The following PRPF18 variants were observed in gnomAD, a reference collection of about 807,000 sequenced individuals.
The protein encoded by PRPF18 is pre-mRNA-splicing factor 18.
PRPF18 carries 38 observed loss-of-function variants against 46.5 expected under a neutral mutation model. The ratio of observed to expected loss-of-function variants is 0.82; its 90% CI spans 0.63 to 1.07. PRPF18 has a LOEUF of 1.07. PRPF18 is among the 50% of genes least tolerant of loss of function. PRPF18 has a pLI of 0.00. For synonymous variants in PRPF18, 152 were observed against 146.7 expected (o/e 1.04, Z -0.26); for missense variants, 263 against 410.0 (o/e 0.64, Z 3.10).
chr10:13,646,371 G>C, the PRPF18 span: 1 of 152,476 alleles, frequency 6.6e-6, no homozygotes, highest in Non-Finnish European at 1.5e-5. Context: ...GTGGTCCTCC[G>C]ATGCATTTCT....
rs189425496 is a variant in PRPF18 at position 13,608,990 on chromosome 10, G to A, written c.364-1049G>A. ...GAGGTGACCTCTGGGAATGCCTGGC[G>A]TCATACTTTTTACACAGCAGGTGAT... On this transcript the variant is annotated intron_variant, in intron 4 of 9. Coordinates refer to ENST00000378572, the MANE Select transcript of PRPF18 (RefSeq NM_003675.4). 6.6e-5 allele frequency among the ~76,000 whole-genome samples: 10 copies of A among 152,298 alleles called. No homozygotes were observed. The East Asian group carries it at 1.2e-3, about 18-fold the overall frequency.
intron 3 of PRPF18, among the ~76,000 whole-genome samples, chr10:13,601,619 A>G (rs1207210477): frequency 6.6e-6 from 1 of 151,922 alleles, no homozygotes; most frequent in African/African-American, 2.4e-5. Flanking sequence ...TAGTCTTTTC[A>G]CTTAAAAGTA....
rs866225214 is a variant in PRPF18 at position 13,590,458 on chromosome 10, T to A, written c.66+3306T>A. ...TGAAAATACAAAAAAAAAAAATATA[T>A]ATATATATATATATTAGCTGGGCAT... On this transcript the variant is annotated intron_variant, in intron 1 of 9. Transcript: ENST00000378572. Among the ~76,000 whole-genome samples, 613 of 143,950 alleles carry A rather than the reference T, an allele frequency of 4.3e-3. 2 individuals are homozygous for A. Among genetic ancestry groups the A allele is most frequent in the African/African-American group, 0.013 (516 of 39,038 alleles). The allele number at this position is 143,950 out of a possible 152,430, so 94.4% of individuals were successfully genotyped here. A position where few individuals can be genotyped will look rare whatever the true frequency, so the allele number is the denominator to read the frequency against.
chr10:13,595,406 A>AT lies in PRPF18; in HGVS notation c.67-2052_67-2051insT, dbSNP rs1564450329. ...AGAGTGTTTTTTCCTTTCTTTCTAC[A>AT]CAGCCCTTTCTGAGAGGATACCAAT... On this transcript the variant is annotated intron_variant, in intron 1 of 9. Transcript: ENST00000378572. Among the ~76,000 whole-genome samples the AT allele has an allele frequency of 7.2e-5, 11 of 151,810 alleles. No individual in the cohort carries two copies. The East Asian group carries it at 1.7e-3, about 24-fold the overall frequency.
chr10:13,637,794 T>TA, the PRPF18 span: 1 of 152,236 alleles, frequency 6.6e-6, no homozygotes, highest in African/African-American at 2.4e-5. Flanking sequence ...GTGGCATGTT[T>TA]AAGAGTGTAA....
chr10:13,599,631 C>T (rs1187406993), intron 2 of PRPF18, among the ~76,000 whole-genome samples: 1 of 152,144 alleles, frequency 6.6e-6, no homozygotes, highest in African/African-American at 2.4e-5. Flanking sequence ...TCCTGGGTGG[C>T]GTTAGTAGAC....
chr10:13,588,661 C>T (rs1300844020), intron 1 of PRPF18, among the ~76,000 whole-genome samples: 1 of 151,778 alleles, frequency 6.6e-6, no homozygotes, highest in African/African-American at 2.4e-5. Context: ...CTTCTCTCTT[C>T]TTCAACACAT....
intron 3 of PRPF18, among the ~76,000 whole-genome samples, chr10:13,605,119 T>G (rs925100358): frequency 5.9e-5 from 9 of 152,218 alleles, no homozygotes; most frequent in African/African-American, 1.9e-4. Flanking sequence ...ATTTTCTCTT[T>G]GATTTGGAAA....
At chr10:13,592,676 G>A (rs2079981382) in intron 1 of PRPF18, among the ~76,000 whole-genome samples, 1 of 152,184 alleles carries the variant, frequency 6.6e-6, no homozygotes, top group Non-Finnish European at 1.5e-5. Context: ...CAGTGTTTTG[G>A]AGCCTAGAAT....
chr10:13,588,644 C>T (rs1177095939), intron 1 of PRPF18, among the ~76,000 whole-genome samples: 6 of 151,708 alleles, frequency 4.0e-5, no homozygotes, highest in Non-Finnish European at 8.8e-5. Context: ...AAATTCTATT[C>T]CTCCTCCTTC....
the PRPF18 span, chr10:13,651,765 C>CAGTTCCCCATGTATCTAGAAAT: frequency 1.6e-6 from 1 of 609,606 alleles, no homozygotes; most frequent in Non-Finnish European, 2.9e-6. Context: ...AACATAGTTC[C>CAGTTCCCCATGTATCTAGAAAT]AGTTCCCCAT....
chr10:13,613,799 G>A lies in PRPF18; in HGVS notation c.638G>A (p.Ser213Asn), dbSNP rs1402418788. Residue 213 changes from serine to asparagine, a missense_variant, in exon 7 of 10, where the codon AGT becomes AAT. Physicochemically the swap from Ser to Asn is conservative, Grantham distance 46. This residue lies in a region of PRPF18 where 155 missense variants were observed against 245.1 expected (regional missense o/e 0.63). Coordinates refer to ENST00000378572, the MANE Select transcript of PRPF18 (RefSeq NM_003675.4). ...GCCAGAGAAGATTATGTGAAACGCA[G>A]TGTGCAGGGTAAACTGAACAGTGCG... ...LNAREDYVKR[S>N]VQGKLNSATQ... 1.2e-6 allele frequency: 2 copies of A among 1,613,892 alleles called. No homozygotes were observed. Among genetic ancestry groups the A allele is most frequent in the Middle Eastern group, 1.6e-4 (1 of 6,082 alleles).
chr10:13,633,085 G>T (rs1165631977), downstream of PRPF18, among the ~76,000 whole-genome samples: 1 of 152,230 alleles, frequency 6.6e-6, no homozygotes, highest in Non-Finnish European at 1.5e-5. Flanking sequence ...ACAATCTGGA[G>T]GTTGTGGCTG....
the PRPF18 span, chr10:13,640,121 G>C: frequency 2.0e-5 from 3 of 152,204 alleles, no homozygotes; most frequent in Non-Finnish European, 4.4e-5. Flanking sequence ...GTTACCAGGA[G>C]AGTGGTGTCC....
chr10:13,633,995 T>C (rs114567463), downstream of PRPF18, among the ~76,000 whole-genome samples: 970 of 152,310 alleles, frequency 6.4e-3, 14 homozygotes, highest in African/African-American at 0.022. Flanking sequence ...CCTTTAATGG[T>C]TAACAGTAAC....
At chr10:13,613,942 A>T in intron 7 of PRPF18, 61 bp downstream of exon 7, 1 of 1,568,412 alleles carries the variant, frequency 6.4e-7, no homozygotes, top group Non-Finnish European at 8.6e-7. Context: ...TAAATTTAGA[A>T]TAAATGCAGT....
chr10:13,599,901 G>GT (rs1589121658), intron 2 of PRPF18, among the ~76,000 whole-genome samples: 1 of 152,174 alleles, frequency 6.6e-6, no homozygotes, highest in East Asian at 1.9e-4. Context: ...CAAGTTGCTG[G>GT]TTTTTAAGGA....
downstream of PRPF18, chr10:13,631,403 C>A (rs544656627): frequency 6.6e-6 from 1 of 152,380 alleles, no homozygotes; most frequent in East Asian, 1.9e-4. Flanking sequence ...TCCAGCTTCA[C>A]ATCTCAGCTC....
chr10:13,641,386 A>G, the PRPF18 span: 84,757 of 152,108 alleles, frequency 0.56, 24,046 homozygotes, highest in East Asian at 0.79. Context: ...AGCACATTAG[A>G]CATCCACGTG....
Sources: gnomAD v4.1 joint callset for allele counts (sites outside exome capture counted in the v4.1 genomes callset) on GRCh38, gnomAD v4.1.1 for gene constraint, gnomAD v4.1.1 regional missense constraint, MANE v1.5 for transcripts, NCBI Gene and HGNC (gene_info 2026-07-23, HGNC 2026-07-21) for gene names.